Variants in B3GALT1 observed in about 807,000 individuals in gnomAD.
The protein encoded by B3GALT1 is beta-1,3-galactosyltransferase 1.
A neutral mutation model predicts 23.2 loss-of-function variants in B3GALT1; 10 were observed. That is an observed-to-expected ratio of 0.43 (90% CI 0.27 to 0.73). The LOEUF (loss-of-function observed/expected upper bound fraction) is 0.73. B3GALT1 is among the 30% of genes least tolerant of loss of function. The pLI, the probability that B3GALT1 is intolerant of heterozygous loss-of-function variation, is 0.21. For synonymous variants in B3GALT1, 156 were observed against 141.5 expected (o/e 1.10, Z -0.73); for missense variants, 299 against 405.4 (o/e 0.74, Z 2.25).
intron 1 of B3GALT1, among the ~76,000 whole-genome samples, chr2:167,482,481 A>G (rs1037792549): frequency 1.3e-5 from 2 of 152,206 alleles, no homozygotes; most frequent in African/African-American, 2.4e-5. Context: ...TGAAATATAC[A>G]TTGTTCACCT....
chr2:167,682,815 G>A (rs1291850482), intron 3 of B3GALT1, among the ~76,000 whole-genome samples: 1 of 152,176 alleles, frequency 6.6e-6, no homozygotes, highest in African/African-American at 2.4e-5. Flanking sequence ...GGGAATGGAT[G>A]GCTCTTCATA....
intron 1 of B3GALT1, among the ~76,000 whole-genome samples, chr2:167,371,176 A>G (rs568993844): frequency 2.6e-5 from 4 of 151,198 alleles, no homozygotes; most frequent in South Asian, 2.1e-4. Context: ...TGTTTGTTCT[A>G]TGAGGGCAGG....
chr2:167,491,901 A>T (rs944073758), intron 2 of B3GALT1, among the ~76,000 whole-genome samples: 4 of 152,144 alleles, frequency 2.6e-5, no homozygotes, highest in African/African-American at 9.7e-5. Context: ...CGCTCAATCC[A>T]CACTCAGTTT....
At chr2:167,768,685 T>A (rs1038079939) in intron 3 of B3GALT1, among the ~76,000 whole-genome samples, 2 of 152,232 alleles carry the variant, frequency 1.3e-5, no homozygotes, top group African/African-American at 4.8e-5. Flanking sequence ...GATTTGCCTC[T>A]GACAAGTTCA....
chr2:167,607,674 C>G (rs769876705), intron 2 of B3GALT1, among the ~76,000 whole-genome samples: 3 of 152,192 alleles, frequency 2.0e-5, no homozygotes, highest in Non-Finnish European at 4.4e-5. Flanking sequence ...TGCATTAGTG[C>G]TTCAAGCATA....
In B3GALT1 at chr2:167,871,324, G is replaced by C. The variant is rs768514716; in HGVS notation, c.*1304G>C. On this transcript the variant is annotated 3_prime_UTR_variant, in exon 5 of 5. Coordinates refer to ENST00000392690, the MANE Select transcript of B3GALT1 (RefSeq NM_020981.4). ...AGATCCTTAGCTTAAAAGGTGCTAC[G>C]TAATGCAATGTATCATGTATTATGC... 6.6e-6 allele frequency: 1 copy of C among 152,156 alleles called. No homozygotes were observed. Among genetic ancestry groups the C allele is most frequent in the Non-Finnish European group, 1.5e-5 (1 of 68,036 alleles). 9.4% of individuals were successfully genotyped at this position (152,156 alleles called of 1,614,324 possible).
At chr2:167,330,424 T>C (rs1696955446) in intron 1 of B3GALT1, among the ~76,000 whole-genome samples, 1 of 152,104 alleles carries the variant, frequency 6.6e-6, no homozygotes, top group Non-Finnish European at 1.5e-5. Flanking sequence ...CTGGGCAACA[T>C]AGTGAGACCC....
At chr2:167,664,963 C>T (rs1328574248) in intron 3 of B3GALT1, among the ~76,000 whole-genome samples, 4 of 150,584 alleles carry the variant, frequency 2.7e-5, no homozygotes, top group African/African-American at 4.9e-5. Flanking sequence ...TTTCCTTCTC[C>T]TGCCTAATTG....
intron 2 of B3GALT1, among the ~76,000 whole-genome samples, chr2:167,587,761 A>G (rs1229870533): frequency 2.0e-5 from 3 of 152,226 alleles, no homozygotes; most frequent in Admixed American, 6.5e-5. Flanking sequence ...AATTCTTGCA[A>G]CTGGTGTTGA....
intron 1 of B3GALT1, among the ~76,000 whole-genome samples, chr2:167,460,522 C>T (rs545929483): frequency 6.6e-6 from 1 of 152,038 alleles, no homozygotes; most frequent in Admixed American, 6.6e-5. Flanking sequence ...TGATTTCTTC[C>T]AAATTTTCCT....
In B3GALT1 at chr2:167,364,989, C is replaced by T. The variant is rs1697565088; in HGVS notation, c.-511+71655C>T. 2.0e-5 allele frequency among the ~76,000 whole-genome samples: 3 copies of T among 152,252 alleles called. No homozygotes were observed. The South Asian group carries it at 6.2e-4, about 32-fold the overall frequency. ...ATTTATTGGTAGGTGGACGTTTTCT[C>T]TGTACTTTAAATGTTTGAAATATAA... On this transcript the variant is annotated intron_variant, in intron 1 of 4. Coordinates refer to ENST00000392690, the MANE Select transcript of B3GALT1 (RefSeq NM_020981.4).
intron 1 of B3GALT1, among the ~76,000 whole-genome samples, chr2:167,448,857 T>C (rs1699043589): frequency 1.3e-5 from 2 of 152,204 alleles, no homozygotes; most frequent in Admixed American, 6.5e-5. Flanking sequence ...GAATAGGGTG[T>C]GCTTTCTCCA....
intron 2 of B3GALT1, among the ~76,000 whole-genome samples, chr2:167,637,007 A>C (rs887223770): frequency 9.9e-5 from 15 of 151,966 alleles, no homozygotes; most frequent in African/African-American, 3.1e-4. Context: ...AAAAAATAGA[A>C]GGTAGGTACT....
chr2:167,395,768 G>A (rs1204196359), intron 1 of B3GALT1, among the ~76,000 whole-genome samples: 2 of 151,862 alleles, frequency 1.3e-5, no homozygotes, highest in Non-Finnish European at 2.9e-5. Flanking sequence ...TATTCAAGAA[G>A]ATAATTCATA....
intron 1 of B3GALT1, among the ~76,000 whole-genome samples, chr2:167,461,147 A>G (rs1323825517): frequency 6.6e-6 from 1 of 152,168 alleles, no homozygotes; most frequent in Non-Finnish European, 1.5e-5. Context: ...CAGAGCACAG[A>G]TTCCTGATAT....
At chr2:167,851,813 T>C (rs1339426326) in intron 4 of B3GALT1, among the ~76,000 whole-genome samples, 1 of 152,210 alleles carries the variant, frequency 6.6e-6, no homozygotes, top group African/African-American at 2.4e-5. Flanking sequence ...ACCAGAAGCA[T>C]TGGCACTTCT....
intron 3 of B3GALT1, among the ~76,000 whole-genome samples, chr2:167,651,457 T>A (rs889435820): frequency 2.6e-5 from 4 of 152,148 alleles, no homozygotes; most frequent in Non-Finnish European, 5.9e-5. Flanking sequence ...ATAACCTGAG[T>A]CACTAAATTA....
chr2:167,809,740 C>G (rs1157311246), intron 3 of B3GALT1, among the ~76,000 whole-genome samples: 1 of 152,326 alleles, frequency 6.6e-6, no homozygotes, highest in Non-Finnish European at 1.5e-5. Flanking sequence ...CAGGGACCCA[C>G]TTGAGGAGGC....
intron 1 of B3GALT1, among the ~76,000 whole-genome samples, chr2:167,365,442 A>G (rs1416645269): frequency 1.3e-5 from 2 of 152,136 alleles, no homozygotes; most frequent in Non-Finnish European, 2.9e-5. Flanking sequence ...TGGCTCTAGC[A>G]TATCTGTTCT....
Sources: gnomAD v4.1 joint callset for allele counts (sites outside exome capture counted in the v4.1 genomes callset) on GRCh38, gnomAD v4.1.1 for gene constraint, MANE v1.5 for transcripts, NCBI Gene and HGNC (gene_info 2026-07-23, HGNC 2026-07-21) for gene names.